Variants in ADORA1 observed in about 807,000 individuals in gnomAD.
ADORA1 encodes the protein adenosine receptor A1.
Under a neutral mutation model 19.9 loss-of-function variants are expected in ADORA1, and 6 were observed. The ratio of observed to expected loss-of-function variants is 0.30; its 90% CI spans 0.17 to 0.59. ADORA1 has a LOEUF of 0.59. Ranked by LOEUF, ADORA1 falls within the 20% of genes least tolerant of loss-of-function variation. The probability of loss-of-function intolerance (pLI) is 0.87; values close to 1 mark genes in which losing one functional copy is unlikely to be tolerated. For missense variants in ADORA1, 302 were observed against 439.2 expected, an observed-to-expected ratio of 0.69 and a Z score of 2.79; for synonymous variants, 194 against 188.4, an observed-to-expected ratio of 1.03 and a Z score of -0.24.
intron 3 of ADORA1, among the ~76,000 whole-genome samples, chr1:203,163,803 A>G (rs1655446706): frequency 6.6e-6 from 1 of 152,130 alleles, no homozygotes; most frequent in Non-Finnish European, 1.5e-5. Context: ...CCGGGGCGAG[A>G]CAGACTTTAA....
At chr1:203,154,341 T>A (rs1655127942) in intron 3 of ADORA1, among the ~76,000 whole-genome samples, 1 of 152,214 alleles carries the variant, frequency 6.6e-6, no homozygotes, top group Admixed American at 6.5e-5. Flanking sequence ...GCAGCTTTAC[T>A]CTTGAACTGT....
intron 3 of ADORA1, among the ~76,000 whole-genome samples, chr1:203,148,903 G>A (rs1654944821): frequency 6.6e-6 from 1 of 151,672 alleles, no homozygotes; most frequent in East Asian, 1.9e-4. Flanking sequence ...TTTAGACGGA[G>A]TTTTTGCTCC....
chr1:203,163,107 A>G (rs1473927935), intron 3 of ADORA1, among the ~76,000 whole-genome samples: 1 of 152,232 alleles, frequency 6.6e-6, no homozygotes, highest in Non-Finnish European at 1.5e-5. Context: ...ATGGTCAGGA[A>G]CAAGATGTGA....
rs143012974 is a variant in ADORA1, at chr1:203,147,091, C to T, written c.341+17909C>T. The stretch of plus-strand genomic sequence containing the variant: ...AAACACTAACCATCCAAGTTGTAGC[C>T]GTAGGCAGGCACTGAACCTTCCTGG... On this transcript the variant is annotated intron_variant, in intron 3 of 3. Transcript: ENST00000337894. Among the ~76,000 whole-genome samples the T allele has an allele frequency of 3.9e-3, 601 of 152,316 alleles. 4 individuals carry two copies. Among genetic ancestry groups the T allele is most frequent in the Non-Finnish European group, 7.0e-3 (477 of 68,024 alleles).
chr1:203,131,855 A>G (rs1378093905), intron 3 of ADORA1, among the ~76,000 whole-genome samples: 1 of 152,190 alleles, frequency 6.6e-6, no homozygotes, highest in Non-Finnish European at 1.5e-5. Context: ...CCTCTTGGCC[A>G]GAGGTCCCCA....
intron 3 of ADORA1, among the ~76,000 whole-genome samples, chr1:203,148,820 G>A (rs1027827486): frequency 6.6e-6 from 1 of 152,060 alleles, no homozygotes; most frequent in African/African-American, 2.4e-5. Context: ...TGGCTGCAGT[G>A]CATGTCCTAC....
At chr1:203,150,642 T>A in intron 3 of ADORA1, 1 of 1,289,688 alleles carries the variant, frequency 7.8e-7, no homozygotes, top group Non-Finnish European at 1.0e-6. Flanking sequence ...GTCCCAAAAG[T>A]GGTGTCTTCT....
chr1:203,166,271 G>A lies in ADORA1; in HGVS notation c.*371G>A. The A allele has an allele frequency of 5.1e-6, 1 of 196,234 alleles. No individual in the cohort carries two copies. The highest frequency in any genetic ancestry group is 1.0e-5 in the Non-Finnish European group (1 of 97,856). 12.2% of individuals were successfully genotyped at this position (196,234 alleles called of 1,614,324 possible). On this transcript the variant is annotated 3_prime_UTR_variant, in exon 4 of 4. Coordinates refer to ENST00000337894, the MANE Select transcript of ADORA1 (RefSeq NM_000674.3). ...ACCTGGGCTGGGAGAAGGTGCTTGG[G>A]CTTCTGCGGTGAGGCAGGGGAGTCT... is the stretch of plus-strand genomic sequence containing the variant.
chr1:203,156,024 A>G (rs1655188364), intron 3 of ADORA1, among the ~76,000 whole-genome samples: 1 of 152,230 alleles, frequency 6.6e-6, no homozygotes, highest in Non-Finnish European at 1.5e-5. Context: ...TCATTTCTGA[A>G]TAAGTGGATG....
chr1:203,157,069 AT>A (rs1307144170), intron 3 of ADORA1, among the ~76,000 whole-genome samples: 1 of 152,240 alleles, frequency 6.6e-6, no homozygotes, highest in Non-Finnish European at 1.5e-5. Flanking sequence ...TCCTTCTCGC[AT>A]GCAAAATACA....
chr1:203,162,347 G>A (rs551641835), intron 3 of ADORA1, among the ~76,000 whole-genome samples: 3 of 152,144 alleles, frequency 2.0e-5, no homozygotes, highest in Non-Finnish European at 4.4e-5. Context: ...CTTTAACCCC[G>A]GGGGCTCTGG....
intron 3 of ADORA1, among the ~76,000 whole-genome samples, chr1:203,142,747 G>C (rs1654734103): frequency 1.3e-5 from 2 of 152,118 alleles, no homozygotes; most frequent in South Asian, 2.1e-4. Flanking sequence ...AGTTCCTCCT[G>C]ATCCCCCCGT....
intron 3 of ADORA1, among the ~76,000 whole-genome samples, chr1:203,142,968 C>T (rs1050974616): frequency 1.8e-4 from 27 of 152,132 alleles, no homozygotes; most frequent in African/African-American, 4.8e-4. Flanking sequence ...CTCACCATTA[C>T]GGTCCCCTGG....
intron 3 of ADORA1, among the ~76,000 whole-genome samples, chr1:203,135,133 C>T (rs1654464227): frequency 6.6e-6 from 1 of 152,166 alleles, no homozygotes; most frequent in South Asian, 2.1e-4. Context: ...TCTTTCTGGG[C>T]TTGGTAAGTT....
chr1:203,137,373 C>G (rs1654544833), intron 3 of ADORA1, among the ~76,000 whole-genome samples: 1 of 152,104 alleles, frequency 6.6e-6, no homozygotes, highest in Non-Finnish European at 1.5e-5. Context: ...CCAGGTACAG[C>G]ATGGAGGCCA....
Position 203,166,273 on chromosome 1 carries a change from T to G in ADORA1, c.*373T>G, listed in dbSNP as rs16851029. The stretch of plus-strand genomic sequence containing the variant: ...CTGGGCTGGGAGAAGGTGCTTGGGC[T>G]TCTGCGGTGAGGCAGGGGAGTCTGC... On this transcript the variant is annotated 3_prime_UTR_variant, in exon 4 of 4. Coordinates refer to ENST00000337894, the MANE Select transcript of ADORA1 (RefSeq NM_000674.3). The G allele has an allele frequency of 0.02, 3,888 of 193,612 alleles. 96 individuals are homozygous for G. The highest frequency in any genetic ancestry group is 0.065 in the African/African-American group (2,783 of 43,092). The allele number at this position is 193,612 out of a possible 1,614,324, so 12.0% of individuals were successfully genotyped here. A position where few individuals can be genotyped will look rare whatever the true frequency, so the allele number is the denominator to read the frequency against.
chr1:203,136,564 GA>G (rs1654514333), intron 3 of ADORA1, among the ~76,000 whole-genome samples: 1 of 152,208 alleles, frequency 6.6e-6, no homozygotes, highest in Admixed American at 6.5e-5. Flanking sequence ...ACCTCTGTCT[GA>G]CAGCTCAGAG....
chr1:203,128,463 G>C lies in ADORA1; in HGVS notation c.-58+31G>C. The C allele has an allele frequency of 7.8e-7, 1 of 1,276,738 alleles. No homozygotes were observed. Among genetic ancestry groups the C allele is most frequent in the Non-Finnish European group, 1.0e-6 (1 of 976,704 alleles). 79.1% of individuals were successfully genotyped at this position (1,276,738 alleles called of 1,614,324 possible). On this transcript the variant is annotated intron_variant, in intron 2 of 3. Transcript: ENST00000337894. This position sits in a 1 kb window ranked among gnomAD's most constrained non-coding sequence, Gnocchi z 5.9. ...CTCCCTGCATCCTGTTCTGTGCACA[G>C]GGGTGGGCAGAGCCAGTCATGGGAG...
chr1:203,137,301 G>A (rs1173313595), intron 3 of ADORA1, among the ~76,000 whole-genome samples: 2 of 152,158 alleles, frequency 1.3e-5, no homozygotes, highest in African/African-American at 4.8e-5. Flanking sequence ...TAGCAAAGAG[G>A]CCTGTGGGGC....
Sources: gnomAD v4.1 joint callset for allele counts (sites outside exome capture counted in the v4.1 genomes callset) on GRCh38, gnomAD v4.1.1 for gene constraint, Gnocchi (gnomAD v3.1) non-coding constraint, MANE v1.5 for transcripts, NCBI Gene and HGNC (gene_info 2026-07-23, HGNC 2026-07-21) for gene names.